Variants in MYO5B observed in about 807,000 individuals in gnomAD.
MYO5B encodes the protein unconventional myosin-Vb.
In MYO5B, 143 loss-of-function variants were observed where a neutral mutation model predicts 229.3. That is an observed-to-expected ratio of 0.62 (90% CI 0.54 to 0.72). The LOEUF (loss-of-function observed/expected upper bound fraction) is 0.72. Among genes scored for constraint, MYO5B ranks in the 30% least tolerant of loss-of-function variants. The pLI is 0.00. For missense variants in MYO5B, 2,321 were observed against 2,331.0 expected (o/e 1.00, Z 0.09); for synonymous variants, 918 against 885.2 (o/e 1.04, Z -0.66).
At chr18:49,958,363 T>A (rs924541133) in intron 12 of MYO5B, among the ~76,000 whole-genome samples, 1 of 152,222 alleles carries the variant, frequency 6.6e-6, no homozygotes. Context: ...TCTTTCTGTT[T>A]ACTGGGCAGC....
intron 17 of MYO5B, among the ~76,000 whole-genome samples, chr18:49,928,482 A>G (rs2144192685): frequency 6.6e-6 from 1 of 152,278 alleles, no homozygotes; most frequent in Middle Eastern, 3.4e-3. Flanking sequence ...CATCTTTACT[A>G]AAAATACAAA....
rs554537132 is a variant in MYO5B at position 49,888,572 on chromosome 18, C to G, written c.3045+6369G>C. ...GTTGCCAAAACGTGTGGTTGCAGCA[C>G]GGGCACTGAGAAAAGTCAAGGCTGG... is the stretch of plus-strand genomic sequence containing the variant. On this transcript the variant is annotated intron_variant, in intron 22 of 39. Coordinates refer to ENST00000285039, the MANE Select transcript of MYO5B (RefSeq NM_001080467.3). Among the ~76,000 whole-genome samples, 4 of 152,206 alleles carry G rather than the reference C, an allele frequency of 2.6e-5. No individual in the cohort carries two copies. The East Asian group carries it at 7.7e-4, about 29-fold the overall frequency.
chr18:50,110,025 C>T (rs2144515591), intron 1 of MYO5B, among the ~76,000 whole-genome samples: 1 of 152,214 alleles, frequency 6.6e-6, no homozygotes, highest in East Asian at 1.9e-4. Context: ...CCCTCTCTCC[C>T]CACTCCCTTC....
intron 10 of MYO5B, among the ~76,000 whole-genome samples, chr18:49,963,420 ATTTATTT>A (rs1568049866): frequency 1.9e-4 from 29 of 151,270 alleles, no homozygotes; most frequent in African/African-American, 6.3e-4. Context: ...TAATTAATTT[ATTTATTT>A]ATTTATTTAT....
chr18:49,843,356 C>G lies in MYO5B; in HGVS notation c.4496G>C (p.Cys1499Ser). The G allele has an allele frequency of 6.2e-7, 1 of 1,614,202 alleles. No individual in the cohort carries two copies. The highest frequency in any genetic ancestry group is 8.5e-7 in the Non-Finnish European group (1 of 1,180,038). Residue 1499 changes from cysteine (C) to serine (S), a missense_variant, in exon 34 of 40, where the codon TGT (cysteine) becomes TCT (serine). Physicochemically the swap from Cys to Ser is moderately radical, Grantham distance 112. Around this residue, in one of 2 missense-constraint regions of MYO5B, gnomAD observed 2,113 missense variants for 2,044.7 expected, o/e 1.03. Coordinates refer to ENST00000285039, the MANE Select transcript of MYO5B (RefSeq NM_001080467.3). ...KPQMLSGTVP[C>S]LPAYILYMCI... ...CATGTAGAGGATGTAGGCGGGGAGA[C>G]AGGGCACTGTGCCCGACAGCATCTG...
Position 49,827,420 on chromosome 18 carries a change from C to T in MYO5B, c.5395-797G>A, listed in dbSNP as rs16951080. Among the ~76,000 whole-genome samples, 1,044 of 152,310 alleles carry T rather than the reference C, an allele frequency of 6.9e-3. 12 individuals carry two copies. Among genetic ancestry groups the T allele is most frequent in the African/African-American group, 0.023 (973 of 41,574 alleles). On this transcript the variant is annotated intron_variant, in intron 39 of 39. Transcript: ENST00000285039. The stretch of plus-strand genomic sequence containing the variant: ...GATGCCTGTCTTGGTTTAGACATTC[C>T]TTGGGATGCAATGGCTTCCACTAGT...
intron 1 of MYO5B, among the ~76,000 whole-genome samples, chr18:50,086,891 A>G (rs1599010493): frequency 6.6e-6 from 1 of 152,306 alleles, no homozygotes; most frequent in South Asian, 2.1e-4. Context: ...GTGCCACTAC[A>G]TATAGTGGAG....
chr18:49,933,994 G>T (rs1305419108), intron 16 of MYO5B, among the ~76,000 whole-genome samples: 1 of 152,132 alleles, frequency 6.6e-6, no homozygotes, highest in Non-Finnish European at 1.5e-5. Context: ...TCCCACCTCA[G>T]CCTCTGGAGT....
chr18:50,050,135 G>C (rs2030353279), intron 2 of MYO5B, among the ~76,000 whole-genome samples: 1 of 152,080 alleles, frequency 6.6e-6, no homozygotes, highest in Non-Finnish European at 1.5e-5. Context: ...GCAAGATAAA[G>C]ATAAAAATAA....
chr18:50,124,550 A>G lies in MYO5B; in HGVS notation c.28-69172T>C, dbSNP rs1385380780. 3.3e-5 allele frequency among the ~76,000 whole-genome samples: 5 copies of G among 152,328 alleles called. No homozygotes were observed. In the East Asian group the frequency reaches 9.6e-4, roughly 29 times the overall value. ...TAAAAAGAAAAAAAAGAAAACAACA[A>G]CAACAAAAAACTTTTGAAGAATAAT... is the stretch of plus-strand genomic sequence containing the variant. On this transcript the variant is annotated intron_variant, in intron 1 of 39. Transcript: ENST00000285039.
intron 1 of MYO5B, among the ~76,000 whole-genome samples, chr18:50,108,855 A>G (rs73959870): frequency 0.14 from 20,819 of 152,190 alleles, 1,501 homozygotes; most frequent in East Asian, 0.23. Context: ...ACATGAGGCT[A>G]TATGTGCTGC....
chr18:49,894,916 G>T, intron 22 of MYO5B, 25 bp downstream of exon 22: 1 of 1,603,246 alleles, frequency 6.2e-7, no homozygotes, highest in Middle Eastern at 1.7e-4. Flanking sequence ...GCTTGCCAGC[G>T]CCTGCCCCTC....
chr18:50,027,447 C>T (rs935198410), intron 4 of MYO5B, among the ~76,000 whole-genome samples: 6 of 152,168 alleles, frequency 3.9e-5, no homozygotes, highest in Non-Finnish European at 8.8e-5. Flanking sequence ...CACACACATG[C>T]CCTTGCTCCA....
intron 4 of MYO5B, among the ~76,000 whole-genome samples, chr18:50,030,238 T>C (rs1351635583): frequency 6.6e-6 from 1 of 152,188 alleles, no homozygotes; most frequent in Non-Finnish European, 1.5e-5. Context: ...TATTTTTAAT[T>C]GTCGTTTTGA....
At chr18:50,082,167 G>A (rs1481165534) in intron 1 of MYO5B, among the ~76,000 whole-genome samples, 1 of 152,216 alleles carries the variant, frequency 6.6e-6, no homozygotes, top group Non-Finnish European at 1.5e-5. Context: ...ACCAAGGGCT[G>A]GAGGAGAGTT....
At chr18:50,127,280 C>T (rs756947722) in intron 1 of MYO5B, among the ~76,000 whole-genome samples, 3 of 152,224 alleles carry the variant, frequency 2.0e-5, no homozygotes, top group Non-Finnish European at 4.4e-5. Context: ...ATCCTTTCTT[C>T]TAGTGCCTGT....
intron 1 of MYO5B, among the ~76,000 whole-genome samples, chr18:50,128,704 C>T (rs1012397225): frequency 1.2e-4 from 19 of 152,302 alleles, no homozygotes; most frequent in African/African-American, 4.6e-4. Flanking sequence ...GTGCCAGCAC[C>T]TAAGAATCCG....
chr18:50,126,783 T>C (rs1056041382), intron 1 of MYO5B, among the ~76,000 whole-genome samples: 1 of 152,204 alleles, frequency 6.6e-6, no homozygotes, highest in Non-Finnish European at 1.5e-5. Flanking sequence ...GTGAAGAGCA[T>C]GCATGGTGAA....
chr18:50,117,689 C>A (rs1790433), intron 1 of MYO5B, among the ~76,000 whole-genome samples: 1 of 152,100 alleles, frequency 6.6e-6, no homozygotes, highest in Non-Finnish European at 1.5e-5. Flanking sequence ...ATTCCCAGCA[C>A]AGCAGGAGAG....
Sources: gnomAD v4.1 joint callset for allele counts (sites outside exome capture counted in the v4.1 genomes callset) on GRCh38, gnomAD v4.1.1 for gene constraint, gnomAD v4.1.1 regional missense constraint, MANE v1.5 for transcripts, NCBI Gene and HGNC (gene_info 2026-07-23, HGNC 2026-07-21) for gene names.